SPAG16: variants seen among roughly 807,000 people sequenced by gnomAD.
SPAG16 encodes sperm associated antigen 16, also known as sperm-associated antigen 16 protein.
Under a neutral mutation model 80.4 loss-of-function variants are expected in SPAG16, and 86 were observed. That is an observed-to-expected ratio of 1.07 (90% CI 0.90 to 1.28). The LOEUF is 1.28. Among genes scored for constraint, SPAG16 ranks in the 50% most tolerant of loss-of-function variants. SPAG16 has a pLI of 0.00. For synonymous variants in SPAG16, 294 were observed against 265.9 expected, an observed-to-expected ratio of 1.11 and a Z score of -1.03; for missense variants, 870 against 765.3, an observed-to-expected ratio of 1.14 and a Z score of -1.61.
chr2:213,364,361 C>A (rs1412702967), intron 8 of SPAG16: 1 of 262,638 alleles, frequency 3.8e-6, no homozygotes, highest in Non-Finnish European at 7.3e-6. Flanking sequence ...AGGACTTCTG[C>A]TTCTGGTCAT....
chr2:213,824,983 A>G (rs956195793), intron 10 of SPAG16, among the ~76,000 whole-genome samples: 8 of 151,924 alleles, frequency 5.3e-5, no homozygotes, highest in African/African-American at 9.7e-5. Context: ...ATTTATAACT[A>G]TTGTAAATGA....
chr2:213,580,603 A>G (rs1375655623), intron 10 of SPAG16, among the ~76,000 whole-genome samples: 2 of 152,150 alleles, frequency 1.3e-5, no homozygotes, highest in Non-Finnish European at 2.9e-5. Flanking sequence ...ATACAGTGCT[A>G]TCTTTTTAAT....
intron 9 of SPAG16, among the ~76,000 whole-genome samples, chr2:213,411,239 C>G (rs942609237): frequency 2.0e-5 from 3 of 152,148 alleles, no homozygotes; most frequent in East Asian, 1.9e-4. Flanking sequence ...ATAGGTCTTT[C>G]GACTCTCAAG....
chr2:213,925,337 T>C (rs1432741236), intron 11 of SPAG16, among the ~76,000 whole-genome samples: 1 of 148,756 alleles, frequency 6.7e-6, no homozygotes, highest in East Asian at 2.0e-4. Flanking sequence ...TTAATACTTG[T>C]TCTTGTTTCT....
intron 15 of SPAG16, among the ~76,000 whole-genome samples, chr2:214,234,230 A>G (rs949339602): frequency 4.9e-4 from 74 of 152,134 alleles, no homozygotes; most frequent in African/African-American, 1.7e-3. Context: ...ATTCCTTTTT[A>G]TGGCTGCATA....
At chr2:213,801,256 T>C (rs2071378939) in intron 10 of SPAG16, among the ~76,000 whole-genome samples, 1 of 152,222 alleles carries the variant, frequency 6.6e-6, no homozygotes, top group Non-Finnish European at 1.5e-5. Context: ...CATGTGTTTT[T>C]GGTGGAATAA....
At chr2:213,960,704 C>T (rs761877948) in intron 12 of SPAG16, among the ~76,000 whole-genome samples, 10 of 152,114 alleles carry the variant, frequency 6.6e-5, no homozygotes, top group South Asian at 2.1e-4. Context: ...TCCTCACATA[C>T]GCAGTTGCTT....
intron 10 of SPAG16, among the ~76,000 whole-genome samples, chr2:213,654,870 A>T (rs1252444866): frequency 1.3e-5 from 2 of 152,236 alleles, no homozygotes; most frequent in African/African-American, 4.8e-5. Flanking sequence ...AAAATAATTT[A>T]AAAATTTTAG....
intron 10 of SPAG16, among the ~76,000 whole-genome samples, chr2:213,675,519 G>A (rs1449543555): frequency 6.6e-6 from 1 of 152,154 alleles, no homozygotes; most frequent in Non-Finnish European, 1.5e-5. Context: ...ATGGTTTTAG[G>A]GCTAACATTT....
At chr2:213,796,488 T>G (rs533053821) in intron 10 of SPAG16, among the ~76,000 whole-genome samples, 2 of 152,212 alleles carry the variant, frequency 1.3e-5, no homozygotes, top group Non-Finnish European at 2.9e-5. Flanking sequence ...TTTTTATGAC[T>G]GAATAATATT....
chr2:213,525,777 A>C (rs1469492274), intron 10 of SPAG16, among the ~76,000 whole-genome samples: 1 of 152,092 alleles, frequency 6.6e-6, no homozygotes, highest in African/African-American at 2.4e-5. Flanking sequence ...GTATATCTAC[A>C]TCTGTATCTA....
intron 15 of SPAG16, among the ~76,000 whole-genome samples, chr2:214,320,767 G>T (rs377619746): frequency 1.2e-4 from 19 of 152,272 alleles, no homozygotes; most frequent in African/African-American, 4.1e-4. Context: ...CCTCCACCTG[G>T]TCTCTCCCTT....
At position 214,030,799 on chromosome 2, in the gene SPAG16, T is replaced by G. The variant is rs73072957; in HGVS notation, c.1527+16722T>G. Among the ~76,000 whole-genome samples the G allele has an allele frequency of 6.2e-3, 946 of 152,296 alleles. 4 individuals are homozygous for G. Among genetic ancestry groups the G allele is most frequent in the African/African-American group, 0.022 (914 of 41,564 alleles). On this transcript the variant is annotated intron_variant, in intron 13 of 15. Transcript: ENST00000331683. ...TGCAATTCCTGGGTCCCTTATCTACTTCCCACCTCAAGGGTTTTCATCTGC... is the reference window on the plus strand; with the variant it reads ...TGCAATTCCTGGGTCCCTTATCTACGTCCCACCTCAAGGGTTTTCATCTGC...
At chr2:213,788,899 A>G (rs898248072) in intron 10 of SPAG16, among the ~76,000 whole-genome samples, 2 of 151,938 alleles carry the variant, frequency 1.3e-5, no homozygotes, top group African/African-American at 2.4e-5. Context: ...TGCAATTTCC[A>G]TAGGTAGAAT....
At chr2:214,168,866 T>G (rs1041384036) in intron 15 of SPAG16, among the ~76,000 whole-genome samples, 2 of 148,946 alleles carry the variant, frequency 1.3e-5, no homozygotes, top group African/African-American at 5.2e-5. Context: ...GTGGTACTAT[T>G]TTACTTAATG....
chr2:214,350,483 G>C (rs1223194001), intron 15 of SPAG16, among the ~76,000 whole-genome samples: 1 of 152,148 alleles, frequency 6.6e-6, no homozygotes, highest in Non-Finnish European at 1.5e-5. Context: ...ATCTTGAGTA[G>C]ATAATATATC....
At chr2:213,702,116 G>A (rs554271442) in intron 10 of SPAG16, among the ~76,000 whole-genome samples, 9 of 152,088 alleles carry the variant, frequency 5.9e-5, no homozygotes, top group South Asian at 4.2e-4. Context: ...ACCAATCAGC[G>A]CTCTGTGTCT....
chr2:213,465,143 G>A (rs181760567), intron 9 of SPAG16, among the ~76,000 whole-genome samples: 39 of 152,266 alleles, frequency 2.6e-4, no homozygotes, highest in African/African-American at 6.7e-4. Context: ...TTAATTTCCC[G>A]ATGGTACTTA....
At chr2:213,822,003 A>G (rs111742342) in intron 10 of SPAG16, among the ~76,000 whole-genome samples, 2 of 152,186 alleles carry the variant, frequency 1.3e-5, no homozygotes, top group Non-Finnish European at 2.9e-5. Context: ...ACAGTGCTGC[A>G]CAAACATGGG....
Sources: allele counts gnomAD v4.1 joint callset (sites outside exome capture counted in the v4.1 genomes callset), GRCh38; gene constraint gnomAD v4.1.1; transcripts MANE v1.5; gene names NCBI Gene and HGNC (gene_info 2026-07-23, HGNC 2026-07-21).